The following DHODH variants were observed in gnomAD, a reference collection of about 807,000 sequenced individuals.
DHODH encodes dihydroorotate dehydrogenase (quinone).
In DHODH, 30 loss-of-function variants were observed where a neutral mutation model predicts 39.7. The ratio of observed to expected loss-of-function variants is 0.76; its 90% CI spans 0.57 to 1.02. DHODH has a LOEUF of 1.02. Ranked by LOEUF, DHODH falls within the 50% of genes least tolerant of loss-of-function variation. The probability of loss-of-function intolerance (pLI) is 0.00; values close to 1 mark genes in which losing one functional copy is unlikely to be tolerated. For synonymous variants in DHODH, 222 were observed against 213.8 expected (o/e 1.04, Z -0.34); for missense variants, 531 against 520.8 (o/e 1.02, Z -0.19).
Position 72,012,894 on chromosome 16 carries a change from G to A in DHODH, c.234+632G>A, listed in dbSNP as rs1056893787. 5.5e-4 allele frequency among the ~76,000 whole-genome samples: 84 copies of A among 152,276 alleles called. 1 individual carries two copies. Among genetic ancestry groups the A allele is most frequent in the African/African-American group, 1.8e-3 (75 of 41,558 alleles). On this transcript the variant is annotated intron_variant, in intron 2 of 8. Transcript: ENST00000219240. ...ATACAGCCTCTGACTGCAGAGGCCA[G>A]TGTCAGCGGAAGGCTAAGGGCCTCT... is the stretch of plus-strand genomic sequence containing the variant.
In DHODH at chr16:72,020,372, T is replaced by TATATGTATATATATATATATA. The variant is rs746414347; in HGVS notation, c.518-752_518-751insATATGTATATATATATATATA. The stretch of plus-strand genomic sequence containing the variant: ...ATATATATGTGTATATATATATATA[T>TATATGTATATATATATATATA]TTTTTTTTTTTTTCTTTTTTTTGAG... On this transcript the variant is annotated intron_variant, in intron 4 of 8. Transcript: ENST00000219240. 5.5e-4 allele frequency: 39 copies of TATATGTATATATATATATATA among 70,850 alleles called. 1 individual carries two copies. The highest frequency in any genetic ancestry group is 2.6e-3 in the African/African-American group (39 of 15,234). The allele number at this position is 70,850 out of a possible 1,614,324, so 4.4% of individuals were successfully genotyped here. A position where few individuals can be genotyped will look rare whatever the true frequency, so the allele number is the denominator to read the frequency against.
In DHODH at chr16:72,023,587, C is replaced by T; in HGVS notation, c.1087C>T (p.Pro363Ser). 6.2e-7 allele frequency: 1 copy of T among 1,614,106 alleles called. No homozygotes were observed. Among genetic ancestry groups the T allele is most frequent in the Non-Finnish European group, 8.5e-7 (1 of 1,180,040 alleles). ...GTACACGGCCCTCACCTTCTGGGGG[C>T]CACCCGTTGTGGGCAAAGTCAAGCG... is the stretch of plus-strand genomic sequence containing the variant. ...QLYTALTFWG[P>S]PVVGKVKREL... Residue 363 changes from proline (P) to serine (S), a missense_variant, in exon 8 of 9, where the codon CCA becomes TCA. Transcript: ENST00000219240.
At chr16:72,014,271 C>T (rs1597394248) in intron 2 of DHODH, 3 of 600,048 alleles carry the variant, frequency 5.0e-6, no homozygotes, top group East Asian at 2.8e-5. Flanking sequence ...GTGTCACAGT[C>T]CCCTGGAGAG....
chr16:72,019,251 C>A (rs1423686796), intron 4 of DHODH, among the ~76,000 whole-genome samples: 1 of 152,160 alleles, frequency 6.6e-6, no homozygotes, highest in Non-Finnish European at 1.5e-5. Context: ...CTGCTGCGCC[C>A]GGCTTCTAAT....
chr16:72,022,777 C>T (rs1452592349), intron 6 of DHODH, among the ~76,000 whole-genome samples: 1 of 152,218 alleles, frequency 6.6e-6, no homozygotes, highest in South Asian at 2.1e-4. Context: ...TCTCACTCCT[C>T]TCTCCAGCCT....
chr16:72,009,081 C>T, intron 1 of DHODH: 1 of 1,354,210 alleles, frequency 7.4e-7, no homozygotes, highest in Non-Finnish European at 9.5e-7. Flanking sequence ...CACATGACCG[C>T]CTAGCGTTGT....
At chr16:72,020,353 A>ATATATATATATATATATGTG (rs1491148985) in intron 4 of DHODH, 1 of 109,436 alleles carries the variant, frequency 9.1e-6, no homozygotes, top group African/African-American at 4.1e-5. Context: ...ATATATATAT[A>ATATATATATATATATATGTG]TGTGTATATA....
At chr16:72,015,134 T>C (rs2041128328) in intron 3 of DHODH, among the ~76,000 whole-genome samples, 1 of 152,248 alleles carries the variant, frequency 6.6e-6, no homozygotes, top group Non-Finnish European at 1.5e-5. Context: ...AAAATTATAA[T>C]TTATATTTAA....
intron 3 of DHODH, 148 bp downstream of exon 3, chr16:72,014,820 T>TAC (rs1004647127): frequency 2.4e-6 from 2 of 819,088 alleles, no homozygotes; most frequent in African/African-American, 3.4e-5. Flanking sequence ...GTTCAGCATC[T>TAC]ACTATGTGCC....
At chr16:72,023,765 A>C in intron 8 of DHODH, 132 bp downstream of exon 8, 1 of 1,315,058 alleles carries the variant, frequency 7.6e-7, no homozygotes, top group Non-Finnish European at 1.1e-6. Flanking sequence ...TCTGAAGGGG[A>C]GAGAAATTCT....
chr16:72,020,303 A>G (rs1167459624), intron 4 of DHODH: 12 of 144,362 alleles, frequency 8.3e-5, no homozygotes, highest in African/African-American at 3.1e-4. Flanking sequence ...ATTTTCCAGT[A>G]TATATATATG....
intron 1 of DHODH, chr16:72,009,011 T>C: frequency 6.9e-7 from 1 of 1,440,312 alleles, no homozygotes; most frequent in Non-Finnish European, 9.1e-7. Flanking sequence ...GGGTGGGTGC[T>C]GATCTGAGTG....
intron 1 of DHODH, among the ~76,000 whole-genome samples, chr16:72,009,509 CAAAA>C (rs56347696): frequency 4.4e-4 from 21 of 48,130 alleles, no homozygotes; most frequent in African/African-American, 1.5e-3. Flanking sequence ...GACTCCGTCT[CAAAA>C]AAAAAAAAAA....
chr16:72,018,670 A>G (rs1186724499), intron 4 of DHODH, among the ~76,000 whole-genome samples: 1 of 152,090 alleles, frequency 6.6e-6, no homozygotes, highest in African/African-American at 2.4e-5. Context: ...TGTGTCTGCC[A>G]GCAGCTTAGG....
At chr16:72,021,423 C>A in intron 5 of DHODH, 112 bp downstream of exon 5, 1 of 1,196,090 alleles carries the variant, frequency 8.4e-7, no homozygotes, top group Non-Finnish European at 1.2e-6. Context: ...TCCTTAGCAC[C>A]TAGACCAGTA....
At chr16:72,019,542 C>G (rs1186886197) in intron 4 of DHODH, among the ~76,000 whole-genome samples, 3 of 152,214 alleles carry the variant, frequency 2.0e-5, no homozygotes, top group Admixed American at 6.5e-5. Flanking sequence ...CAACCCGTTT[C>G]TTTTACACAT....
intron 4 of DHODH, chr16:72,020,373 T>TATATGTATATATATATATATA (rs1273739362): frequency 2.8e-4 from 25 of 88,266 alleles, no homozygotes; most frequent in African/African-American, 1.7e-3. Context: ...ATATATATAT[T>TATATGTATATATATATATATA]TTTTTTTTTT....
chr16:72,023,553 G>C lies in DHODH; in HGVS notation c.1053G>C (p.Leu351=), dbSNP rs763021030. 2 of 1,614,018 alleles carry C rather than the reference G, an allele frequency of 1.2e-6. No individual in the cohort carries two copies. The highest frequency in any genetic ancestry group is 2.7e-5 in the African/African-American group (2 of 74,926). ...ALEKIRAGAS[L]VQLYTALTFW... ...AGAAGATCCGGGCAGGGGCCTCCCTGGTGCAGCTGTACACGGCCCTCACCT... is the reference window on the plus strand; with the variant it reads ...AGAAGATCCGGGCAGGGGCCTCCCTCGTGCAGCTGTACACGGCCCTCACCT... Residue 351 remains leucine, a synonymous_variant, in exon 8 of 9, where the codon CTG becomes CTC. Coordinates refer to ENST00000219240, the MANE Select transcript of DHODH (RefSeq NM_001361.5).
At chr16:72,021,380 A>C in intron 5 of DHODH, 69 bp downstream of exon 5, 1 of 1,502,186 alleles carries the variant, frequency 6.7e-7, no homozygotes, top group Non-Finnish European at 9.0e-7. Flanking sequence ...TTCATTCTCC[A>C]GGGCGAACCT....
Sources: gnomAD v4.1 joint callset for allele counts (sites outside exome capture counted in the v4.1 genomes callset) on GRCh38, gnomAD v4.1.1 for gene constraint, MANE v1.5 for transcripts, NCBI Gene and HGNC (gene_info 2026-07-23, HGNC 2026-07-21) for gene names.